Variants in TMEFF2 observed in about 807,000 individuals in gnomAD.
The protein encoded by TMEFF2 is transmembrane protein with EGF like and two follistatin like domains 2.
Under a neutral mutation model 53.8 loss-of-function variants are expected in TMEFF2, and 28 were observed. The observed-to-expected ratio is 0.52, with a 90% CI of 0.39 to 0.71. The LOEUF (loss-of-function observed/expected upper bound fraction) is 0.71, where lower values mean the gene tolerates loss of function less well. Among genes scored for constraint, TMEFF2 ranks in the 30% least tolerant of loss-of-function variants. The pLI, the probability that TMEFF2 is intolerant of heterozygous loss-of-function variation, is 0.00. For synonymous variants in TMEFF2, 162 were observed against 166.3 expected, an observed-to-expected ratio of 0.97 and a Z score of 0.20; for missense variants, 353 against 455.2, an observed-to-expected ratio of 0.78 and a Z score of 2.04.
intron 4 of TMEFF2, among the ~76,000 whole-genome samples, chr2:192,082,804 GT>G (rs11322984): frequency 0.96 from 145,383 of 152,174 alleles, 69,807 homozygotes; most frequent in East Asian, 1. Flanking sequence ...ATGCACTTGA[GT>G]TAACAGTTTA....
chr2:191,952,006 A>G (rs1238493928), intron 9 of TMEFF2, among the ~76,000 whole-genome samples: 3 of 152,228 alleles, frequency 2.0e-5, no homozygotes, highest in African/African-American at 7.2e-5. Flanking sequence ...CAGTATGAGC[A>G]TGGTGAAGTG....
At chr2:192,079,483 A>T (rs1311935774) in intron 4 of TMEFF2, among the ~76,000 whole-genome samples, 1 of 152,186 alleles carries the variant, frequency 6.6e-6, no homozygotes, top group African/African-American at 2.4e-5. Flanking sequence ...TAATAGAAAA[A>T]ACATGGATCT....
rs115530658 is a variant in TMEFF2, at chr2:192,049,059, G to A, written c.536+8620C>T. Among the ~76,000 whole-genome samples, 354 of 152,260 alleles carry A rather than the reference G, an allele frequency of 2.3e-3. 1 individual carries two copies. The highest frequency in any genetic ancestry group is 4.6e-3 in the Admixed American group (70 of 15,292). Reference sequence around the variant, plus strand: ...TACACAATGTAGGTGTGTTAGTGGTGAATTTCATCCCAAACTGCCACTTAA... The same window carrying A: ...TACACAATGTAGGTGTGTTAGTGGTAAATTTCATCCCAAACTGCCACTTAA... On this transcript the variant is annotated intron_variant, in intron 5 of 9. Coordinates refer to ENST00000272771, the MANE Select transcript of TMEFF2 (RefSeq NM_016192.4).
chr2:192,126,733 C>G (rs1164523593), intron 4 of TMEFF2, among the ~76,000 whole-genome samples: 1 of 152,162 alleles, frequency 6.6e-6, no homozygotes, highest in Admixed American at 6.5e-5. Flanking sequence ...AACTGAGGCT[C>G]AGAGAGACAG....
intron 4 of TMEFF2, among the ~76,000 whole-genome samples, chr2:192,093,426 G>A (rs200636342): frequency 9.6e-6 from 1 of 104,222 alleles, no homozygotes; most frequent in African/African-American, 3.4e-5. Flanking sequence ...GGGACTCCCA[G>A]ACTCTTTCTT....
At chr2:192,126,662 C>T (rs1295207689) in intron 4 of TMEFF2, among the ~76,000 whole-genome samples, 1 of 152,176 alleles carries the variant, frequency 6.6e-6, no homozygotes, top group Non-Finnish European at 1.5e-5. Context: ...AAATGACTAA[C>T]ACTTAGGATA....
intron 4 of TMEFF2, among the ~76,000 whole-genome samples, chr2:192,163,385 C>T (rs915511831): frequency 6.6e-6 from 1 of 152,162 alleles, no homozygotes; most frequent in African/African-American, 2.4e-5. Context: ...ATGATATTTG[C>T]TATATTTGTA....
intron 5 of TMEFF2, chr2:192,031,218 T>A (rs1489970296): frequency 6.6e-6 from 1 of 152,340 alleles, no homozygotes; most frequent in East Asian, 1.9e-4. Flanking sequence ...ACTATTTTTT[T>A]ACCTGAGCAT....
chr2:192,043,314 T>C (rs1687530792), intron 5 of TMEFF2, among the ~76,000 whole-genome samples: 1 of 152,210 alleles, frequency 6.6e-6, no homozygotes, highest in South Asian at 2.1e-4. Context: ...CTAGAGCCAG[T>C]TTATGGACAC....
intron 7 of TMEFF2, among the ~76,000 whole-genome samples, chr2:191,984,561 C>G (rs1250796864): frequency 1.3e-5 from 2 of 152,106 alleles, no homozygotes; most frequent in African/African-American, 4.8e-5. Flanking sequence ...ATTTTAAACT[C>G]ATAAATTTAA....
intron 4 of TMEFF2, among the ~76,000 whole-genome samples, chr2:192,113,181 C>T (rs914997855): frequency 3.3e-5 from 5 of 152,054 alleles, no homozygotes; most frequent in African/African-American, 1.2e-4. Flanking sequence ...AATATTTAGG[C>T]TTATACACTA....
chr2:192,066,168 C>T (rs1008098748), intron 4 of TMEFF2, among the ~76,000 whole-genome samples: 10 of 151,444 alleles, frequency 6.6e-5, no homozygotes, highest in Non-Finnish European at 1.3e-4. Context: ...ACTGTTACAT[C>T]GTATTATTAA....
At position 191,959,375 on chromosome 2, in the gene TMEFF2, G is replaced by C. The variant is rs181595081; in HGVS notation, c.746-2997C>G. Among the ~76,000 whole-genome samples, 5 of 152,276 alleles carry C rather than the reference G, an allele frequency of 3.3e-5. No individual in the cohort carries two copies. In the East Asian group the frequency reaches 9.6e-4, roughly 29 times the overall value. ...TGAGTTATCTGCAGCAGAGCTAATA[G>C]GGCTCCATGCCCATTGCTAGTCAAC... On this transcript the variant is annotated intron_variant, in intron 7 of 9. Coordinates refer to ENST00000272771, the MANE Select transcript of TMEFF2 (RefSeq NM_016192.4).
At chr2:192,003,470 C>T (rs541215652) in intron 5 of TMEFF2, among the ~76,000 whole-genome samples, 20 of 152,290 alleles carry the variant, frequency 1.3e-4, no homozygotes, top group African/African-American at 4.3e-4. Context: ...TGGAATATGT[C>T]ATGATTTTAT....
At chr2:192,110,813 A>G (rs889166742) in intron 4 of TMEFF2, among the ~76,000 whole-genome samples, 12 of 152,108 alleles carry the variant, frequency 7.9e-5, no homozygotes, top group African/African-American at 2.9e-4. Flanking sequence ...CATAATTCCC[A>G]TGTGTTGTGG....
intron 5 of TMEFF2, among the ~76,000 whole-genome samples, chr2:192,000,031 G>A (rs951463507): frequency 1.4e-4 from 22 of 151,928 alleles, no homozygotes; most frequent in African/African-American, 5.1e-4. Flanking sequence ...ATGAGAATTA[G>A]GTTACCTAAA....
intron 5 of TMEFF2, among the ~76,000 whole-genome samples, chr2:192,042,899 A>G (rs1399612387): frequency 1.3e-5 from 2 of 152,226 alleles, no homozygotes; most frequent in African/African-American, 4.8e-5. Flanking sequence ...CCTTCTACCC[A>G]TATTGTTAGA....
intron 4 of TMEFF2, among the ~76,000 whole-genome samples, chr2:192,062,718 A>T (rs879547098): frequency 3.9e-5 from 6 of 152,008 alleles, no homozygotes; most frequent in Non-Finnish European, 7.4e-5. Flanking sequence ...GTCAAACTTG[A>T]TCTTGGTATA....
intron 7 of TMEFF2, among the ~76,000 whole-genome samples, chr2:191,970,255 T>C (rs1002939671): frequency 2.6e-5 from 4 of 152,080 alleles, no homozygotes; most frequent in African/African-American, 9.7e-5. Flanking sequence ...TATCTAGTGA[T>C]TGGTAAAATA....
Sources: allele counts gnomAD v4.1 joint callset (sites outside exome capture counted in the v4.1 genomes callset), GRCh38; gene constraint gnomAD v4.1.1; transcripts MANE v1.5; gene names NCBI Gene and HGNC (gene_info 2026-07-23, HGNC 2026-07-21).